Variants in FAT3 observed in about 807,000 individuals in gnomAD.
The protein encoded by FAT3 is FAT atypical cadherin 3.
In FAT3, 95 loss-of-function variants were observed where a neutral mutation model predicts 310.2. The ratio of observed to expected loss-of-function variants is 0.31; its 90% CI spans 0.26 to 0.36. The LOEUF (loss-of-function observed/expected upper bound fraction) is 0.36. Among genes scored for constraint, FAT3 ranks in the 10% least tolerant of loss-of-function variants. The pLI is 1.00. For missense variants in FAT3, 5,408 were observed against 5,715.6 expected (o/e 0.95, Z 1.74); for synonymous variants, 2,314 against 2,192.9 (o/e 1.06, Z -1.54).
At chr11:92,791,240 G>A (rs1233947691) in intron 8 of FAT3, among the ~76,000 whole-genome samples, 15 of 151,982 alleles carry the variant, frequency 9.9e-5, no homozygotes, top group Admixed American at 9.8e-4. Flanking sequence ...ACCACTTACT[G>A]TGCACCAAAC....
chr11:92,318,639 A>G (rs551334207), intron 1 of FAT3, among the ~76,000 whole-genome samples: 10 of 152,326 alleles, frequency 6.6e-5, no homozygotes, highest in Non-Finnish European at 8.8e-5. Flanking sequence ...GAACACAGGA[A>G]TCATAATTTT....
At chr11:92,488,211 G>A (rs534619086) in intron 2 of FAT3, among the ~76,000 whole-genome samples, 4 of 152,108 alleles carry the variant, frequency 2.6e-5, no homozygotes, top group African/African-American at 9.6e-5. Context: ...AACCACAAGT[G>A]AATTAATTCT....
At position 92,798,428 on chromosome 11, in the gene FAT3, CA is replaced by C; in HGVS notation, c.5417del (p.Asn1806ThrfsTer48). 1 of 1,613,256 alleles carries C rather than the reference CA, an allele frequency of 6.2e-7. No homozygotes were observed. Among genetic ancestry groups the C allele is most frequent in the Non-Finnish European group, 8.5e-7 (1 of 1,179,766 alleles). On this transcript the variant is annotated frameshift_variant, in exon 10 of 28. Coordinates refer to ENST00000525166, the MANE Select transcript of FAT3 (RefSeq NM_001367949.2). LOFTEE classifies it high-confidence loss of function. The stretch of plus-strand genomic sequence containing the variant: ...TGATTCGAGCCACAGATGCTGACAG[CA>C]ACCGGAATGCTCTGCTTGTGTATCA... ...LVIRATDADS[N>X]RNALLVYQIV...
intron 23 of FAT3, among the ~76,000 whole-genome samples, chr11:92,881,919 A>C (rs1247192705): frequency 1.3e-5 from 2 of 152,202 alleles, no homozygotes; most frequent in Non-Finnish European, 2.9e-5. Flanking sequence ...ATAAGCACAG[A>C]ATGTTGAAGA....
intron 26 of FAT3, 96 bp downstream of exon 26, chr11:92,889,344 C>T (rs1211014322): frequency 7.9e-6 from 4 of 504,228 alleles, no homozygotes; most frequent in South Asian, 3.4e-5. Context: ...ACAGAGGGGG[C>T]AATAAACAGC....
intron 6 of FAT3, among the ~76,000 whole-genome samples, chr11:92,767,491 A>G (rs528313005): frequency 9.5e-4 from 144 of 152,058 alleles, no homozygotes; most frequent in Non-Finnish European, 1.8e-3. Flanking sequence ...CCTACCACCC[A>G]TGTGCCCTGG....
At chr11:92,323,609 G>A (rs1438450010) in intron 1 of FAT3, among the ~76,000 whole-genome samples, 1 of 143,592 alleles carries the variant, frequency 7.0e-6, no homozygotes, top group African/African-American at 2.6e-5. Flanking sequence ...TTTCTGAGCA[G>A]TAGGTCTCAA....
chr11:92,705,064 T>C (rs1944228907), intron 4 of FAT3, among the ~76,000 whole-genome samples: 2 of 152,220 alleles, frequency 1.3e-5, no homozygotes, highest in Non-Finnish European at 2.9e-5. Context: ...TTCAAGTTTC[T>C]AGCTTCCTGA....
chr11:92,283,005 T>C (rs1221841247), intron 1 of FAT3, among the ~76,000 whole-genome samples: 3 of 152,146 alleles, frequency 2.0e-5, no homozygotes, highest in African/African-American at 7.2e-5. Flanking sequence ...ATTGTTCACT[T>C]ATTTACTTAT....
At position 92,883,057 on chromosome 11, in the gene FAT3, C is replaced by G; in HGVS notation, c.12601C>G (p.Leu4201Val). 1 of 1,613,962 alleles carries G rather than the reference C, an allele frequency of 6.2e-7. No homozygotes were observed. The highest frequency in any genetic ancestry group is 1.1e-5 in the South Asian group (1 of 91,092). ...LVQDPATAAL[L>V]NKSNGIPFRN... ...GCAGGACCCGGCCACCGCCGCCCTG[C>G]TTAACAAGAGCAATGGCATCCCGTT... The change falls in exon 24 of 28, where the codon CTT becomes GTT. Residue 4201 changes from leucine to valine, a missense_variant. Coordinates refer to ENST00000525166, the MANE Select transcript of FAT3 (RefSeq NM_001367949.2). The surrounding 1 kb of genome is among the most constrained non-coding windows in gnomAD (Gnocchi z 4.2).
At chr11:92,646,848 G>A (rs1942186676) in intron 3 of FAT3, among the ~76,000 whole-genome samples, 1 of 152,150 alleles carries the variant, frequency 6.6e-6, no homozygotes, top group African/African-American at 2.4e-5. Flanking sequence ...AGTGATAAAA[G>A]GACATGGCCA....
chr11:92,246,378 C>T (rs1864905999), intron 1 of FAT3, among the ~76,000 whole-genome samples: 1 of 151,838 alleles, frequency 6.6e-6, no homozygotes. Flanking sequence ...GCACCATGCA[C>T]TGAAAAGGGA....
intron 3 of FAT3, among the ~76,000 whole-genome samples, chr11:92,671,186 A>G (rs1416980054): frequency 6.6e-6 from 1 of 151,974 alleles, no homozygotes; most frequent in African/African-American, 2.4e-5. Flanking sequence ...CTGGGATTAC[A>G]TGCATGCACC....
chr11:92,489,714 G>A (rs910244862), intron 2 of FAT3, among the ~76,000 whole-genome samples: 3 of 151,966 alleles, frequency 2.0e-5, no homozygotes, highest in Non-Finnish European at 2.9e-5. Context: ...AACTATATTA[G>A]TTCCTCTCTG....
intron 2 of FAT3, among the ~76,000 whole-genome samples, chr11:92,508,693 T>C (rs1953193799): frequency 6.6e-6 from 1 of 152,160 alleles, no homozygotes; most frequent in South Asian, 2.1e-4. Flanking sequence ...TTAGGGAACC[T>C]TTTTTCCAAG....
chr11:92,693,924 T>G (rs1388404692), intron 3 of FAT3, among the ~76,000 whole-genome samples: 1 of 152,150 alleles, frequency 6.6e-6, no homozygotes, highest in Non-Finnish European at 1.5e-5. Flanking sequence ...CTAAACTAAC[T>G]AACCTATTCA....
At chr11:92,254,442 T>G (rs1027539333) in intron 1 of FAT3, among the ~76,000 whole-genome samples, 1 of 152,160 alleles carries the variant, frequency 6.6e-6, no homozygotes, top group Non-Finnish European at 1.5e-5. Context: ...GTAAAGAAGT[T>G]TCAAACAGTT....
chr11:92,570,607 A>G (rs552566045), intron 3 of FAT3, among the ~76,000 whole-genome samples: 2 of 152,298 alleles, frequency 1.3e-5, no homozygotes, highest in South Asian at 4.1e-4. Flanking sequence ...ACCTATAGGT[A>G]AGATTTGGGT....
chr11:92,558,402 A>G (rs11019997), intron 3 of FAT3, among the ~76,000 whole-genome samples: 10 of 150,140 alleles, frequency 6.7e-5, no homozygotes, highest in Middle Eastern at 3.4e-3. Context: ...TGTTGTGTTT[A>G]TGTGTGTGTG....
Sources: gnomAD v4.1 joint callset for allele counts (sites outside exome capture counted in the v4.1 genomes callset) on GRCh38, gnomAD v4.1.1 for gene constraint, Gnocchi (gnomAD v3.1) non-coding constraint, MANE v1.5 for transcripts, NCBI Gene and HGNC (gene_info 2026-07-23, HGNC 2026-07-21) for gene names.